The following MYRFL variants were observed in gnomAD, a reference collection of about 807,000 sequenced individuals.
The protein encoded by MYRFL is myelin regulatory factor-like protein.
In MYRFL, 88 loss-of-function variants were observed where a neutral mutation model predicts 109.4. That is an observed-to-expected ratio of 0.80 (90% confidence interval 0.68 to 0.96). The LOEUF (loss-of-function observed/expected upper bound fraction) is 0.96. MYRFL is among the 40% of genes least tolerant of loss of function. MYRFL has a pLI of 0.00. For synonymous variants in MYRFL, 324 were observed against 320.9 expected (o/e 1.01, Z -0.10); for missense variants, 957 against 954.9 (o/e 1.00, Z -0.03).
chr12:69,914,797 C>T (rs1152977), intron 13 of MYRFL, among the ~76,000 whole-genome samples: 85,795 of 152,056 alleles, frequency 0.56, 26,233 homozygotes, highest in East Asian at 0.86. Flanking sequence ...GCCAAGGCAG[C>T]ACTCAGTTTA....
intron 2 of MYRFL, among the ~76,000 whole-genome samples, chr12:69,869,431 T>C (rs954942819): frequency 1.3e-5 from 2 of 152,176 alleles, no homozygotes; most frequent in African/African-American, 4.8e-5. Flanking sequence ...TGGCAGGTAG[T>C]CTAAAGTCAC....
Position 69,886,969 on chromosome 12 carries a change from CTG to C in MYRFL, c.707+1_707+2del, listed in dbSNP as rs1886496354. On this transcript the variant is annotated splice_donor_variant and coding_sequence_variant, in exon 6 of 25. Coordinates refer to ENST00000552032, the MANE Select transcript of MYRFL (RefSeq NM_182530.3). LOFTEE classifies it high-confidence loss of function. ...CTTATTAAACAGTCATTATGAAAAA[CTG>C]TAAGTGGCTTGAGTGGGCTGGAGAG... The C allele has an allele frequency of 1.3e-6, 2 of 1,535,658 alleles. No homozygotes were observed. Among genetic ancestry groups the C allele is most frequent in the African/African-American group, 1.4e-5 (1 of 73,032 alleles).
intron 6 of MYRFL, among the ~76,000 whole-genome samples, chr12:69,889,649 T>G (rs1413774010): frequency 6.6e-6 from 1 of 151,230 alleles, no homozygotes; most frequent in Non-Finnish European, 1.5e-5. Context: ...AGGTCAGGAG[T>G]TCAAGACCAG....
intron 19 of MYRFL, among the ~76,000 whole-genome samples, chr12:69,939,914 G>A (rs372742429): frequency 0.076 from 11,508 of 152,196 alleles, 604 homozygotes; most frequent in Middle Eastern, 0.15. Flanking sequence ...CTCAGGAGCC[G>A]ATGCGATCAA....
At chr12:69,829,354 A>G (rs932786175) in intron 1 of MYRFL, among the ~76,000 whole-genome samples, 4 of 152,104 alleles carry the variant, frequency 2.6e-5, no homozygotes, top group Non-Finnish European at 5.9e-5. Flanking sequence ...CTGTATAGGA[A>G]TACCACGGAA....
At position 69,886,891 on chromosome 12, in the gene MYRFL, C is replaced by T. The variant is rs1565997837; in HGVS notation, c.628C>T (p.Gln210Ter). ...GGGACAGAACAGAATGCCTACAGACCAGTGCTCTCCTGCTCTGAAGTGGCA... is the reference window on the plus strand; with the variant it reads ...GGGACAGAACAGAATGCCTACAGACTAGTGCTCTCCTGCTCTGAAGTGGCA... ...SEGQNRMPTD[Q>*]CSPALKWQPC... Residue 210 changes from glutamine (Q) to a stop codon, truncating the protein, a stop_gained, in exon 6 of 25, where the codon CAG (glutamine) becomes TAG (stop). Coordinates refer to ENST00000552032, the MANE Select transcript of MYRFL (RefSeq NM_182530.3). LOFTEE classifies it high-confidence loss of function. The T allele has an allele frequency of 2.0e-6, 3 of 1,535,924 alleles. No homozygotes were observed. The highest frequency in any genetic ancestry group is 2.6e-6 in the Non-Finnish European group (3 of 1,146,734).
chr12:69,839,663 A>G (rs1193127698), intron 1 of MYRFL, among the ~76,000 whole-genome samples: 4 of 152,218 alleles, frequency 2.6e-5, no homozygotes, highest in Non-Finnish European at 4.4e-5. Context: ...TAATAATAGT[A>G]CCTATCTCAT....
At chr12:69,870,268 G>T (rs574131771) in intron 2 of MYRFL, among the ~76,000 whole-genome samples, 2 of 137,090 alleles carry the variant, frequency 1.5e-5, no homozygotes, top group Non-Finnish European at 3.1e-5. Flanking sequence ...AGTGAAGACA[G>T]GGTTTTGCCA....
At chr12:69,831,467 C>A (rs549713236) in intron 1 of MYRFL, among the ~76,000 whole-genome samples, 1 of 152,290 alleles carries the variant, frequency 6.6e-6, no homozygotes, top group Admixed American at 6.5e-5. Context: ...GCAGAATCAT[C>A]CTTAGGAACA....
At chr12:69,923,438 AAATAT>A (rs1378867016) in intron 13 of MYRFL, among the ~76,000 whole-genome samples, 2 of 152,194 alleles carry the variant, frequency 1.3e-5, no homozygotes, top group African/African-American at 4.8e-5. Flanking sequence ...TTAAGAAATA[AAATAT>A]ATCAGAAATT....
At chr12:69,867,881 A>G (rs866343909) in intron 2 of MYRFL, among the ~76,000 whole-genome samples, 144 of 152,324 alleles carry the variant, frequency 9.5e-4, no homozygotes, top group African/African-American at 3.4e-3. Context: ...GAAGAAGAAG[A>G]CTGGGCTAAA....
intron 11 of MYRFL, among the ~76,000 whole-genome samples, chr12:69,906,811 A>T (rs1205698867): frequency 1.3e-5 from 2 of 152,216 alleles, no homozygotes; most frequent in Non-Finnish European, 2.9e-5. Context: ...GATGACAGAT[A>T]GCCTTCCCTG....
In MYRFL at chr12:69,926,932, G is replaced by GTTTTTTTTTTTTTTTTT. The variant is rs1336716063; in HGVS notation, c.1766+198_1766+199insTTTTTTTTTTTTTTTTT. Among the ~76,000 whole-genome samples, 297 of 76,850 alleles carry GTTTTTTTTTTTTTTTTT rather than the reference G, an allele frequency of 3.9e-3. 120 individuals are homozygous for GTTTTTTTTTTTTTTTTT. Among genetic ancestry groups the GTTTTTTTTTTTTTTTTT allele is most frequent in the Non-Finnish European group, 6.4e-3 (251 of 39,078 alleles). The allele number at this position is 76,850 out of a possible 152,430, so 50.4% of individuals were successfully genotyped here. ...ACTTTCTTAGTTTTTTTCTGTTGCT[G>GTTTTTTTTTTTTTTTTT]GTTTTTTTTTTTTTTTTTTTTTTTT... On this transcript the variant is annotated intron_variant, in intron 14 of 24. Transcript: ENST00000552032.
At position 69,944,836 on chromosome 12, in the gene MYRFL, C is replaced by T. The variant is rs1030228239; in HGVS notation, c.2225-7277C>T. ...GGCGTGTGTATACCTATGTAACACA[C>T]CTGCACGTTCTGCACATGTATCCTA... On this transcript the variant is annotated intron_variant, in intron 19 of 24. Coordinates refer to ENST00000552032, the MANE Select transcript of MYRFL (RefSeq NM_182530.3). Among the ~76,000 whole-genome samples the T allele has an allele frequency of 5.3e-5, 8 of 152,024 alleles. No homozygotes were observed. In the South Asian group the frequency reaches 6.2e-4, roughly 12 times the overall value.
intron 5 of MYRFL, 68 bp downstream of exon 5, chr12:69,880,360 A>G: frequency 1.5e-6 from 1 of 675,358 alleles, no homozygotes; most frequent in Non-Finnish European, 2.7e-6. Context: ...AAGGCTTTTT[A>G]CCAGCCTTTG....
At chr12:69,897,823 C>T (rs10784802) in intron 10 of MYRFL, among the ~76,000 whole-genome samples, 48,263 of 151,920 alleles carry the variant, frequency 0.32, 7,935 homozygotes, top group African/African-American at 0.36. Context: ...TGATTGGTAG[C>T]ACCAGGGCAT....
intron 1 of MYRFL, among the ~76,000 whole-genome samples, chr12:69,852,023 C>G (rs960544288): frequency 3.3e-5 from 5 of 152,212 alleles, no homozygotes; most frequent in African/African-American, 1.2e-4. Context: ...ATGACTTAAT[C>G]TGAACTACTA....
intron 2 of MYRFL, among the ~76,000 whole-genome samples, chr12:69,864,589 G>T (rs993753974): frequency 6.6e-6 from 1 of 150,508 alleles, no homozygotes; most frequent in Non-Finnish European, 1.5e-5. Flanking sequence ...AACTTCCTTG[G>T]CAACAAACTG....
chr12:69,893,774 C>A lies in MYRFL; in HGVS notation c.914C>A (p.Thr305Asn). 7.0e-7 allele frequency: 1 copy of A among 1,428,324 alleles called. No homozygotes were observed. Among genetic ancestry groups the A allele is most frequent in the Non-Finnish European group, 9.2e-7 (1 of 1,092,432 alleles). 88.5% of individuals were successfully genotyped at this position (1,428,324 alleles called of 1,614,324 possible). The change falls in exon 8 of 25, where the codon ACC (threonine) becomes AAC (asparagine). Residue 305 changes from threonine to asparagine, a missense_variant. Coordinates refer to ENST00000552032, the MANE Select transcript of MYRFL (RefSeq NM_182530.3). Reference sequence around the variant, plus strand: ...TGTTGTTTCATACAGGTGGAAGCTACCAATCAAATAATTGCTATTGAACAG... The same window carrying A: ...TGTTGTTTCATACAGGTGGAAGCTAACAATCAAATAATTGCTATTGAACAG... ...LKVFGTKVEATNQIIAIEQSQ... is the reference protein window; with the variant it reads ...LKVFGTKVEANNQIIAIEQSQ...
Sources: allele counts gnomAD v4.1 joint callset (sites outside exome capture counted in the v4.1 genomes callset), GRCh38; gene constraint gnomAD v4.1.1; transcripts MANE v1.5; gene names NCBI Gene and HGNC (gene_info 2026-07-23, HGNC 2026-07-21).